Variants in GABRQ observed in about 807,000 individuals in gnomAD.
The protein encoded by GABRQ is gamma-aminobutyric acid receptor subunit theta.
A neutral mutation model predicts 30.5 loss-of-function variants in GABRQ; 19 were observed. That is an observed-to-expected ratio of 0.62 (90% CI 0.43 to 0.91). GABRQ has a LOEUF of 0.91. Ranked by LOEUF, GABRQ falls within the 40% of genes least tolerant of loss-of-function variation. The pLI is 0.00. For missense variants in GABRQ, 520 were observed against 521.4 expected (o/e 1.00, Z 0.03); for synonymous variants, 187 against 210.2 (o/e 0.89, Z 0.95).
Position 152,656,936 on chromosome X carries a change from G to A in GABRQ, c.*3655G>A, listed in dbSNP as rs1931160735. On this transcript the variant is annotated 3_prime_UTR_variant, in exon 9 of 9. Coordinates refer to ENST00000598523, the MANE Select transcript of GABRQ (RefSeq NM_018558.4). ...ATAAAATCTATATTATCAGTGTTGG[G>A]TTTTCAGGGGAGGGAGGGAGAGGAT... 1 of 111,797 alleles carries A rather than the reference G, an allele frequency of 8.9e-6. No individual in the cohort carries two copies. Among genetic ancestry groups the A allele is most frequent in the African/African-American group, 3.3e-5 (1 of 30,759 alleles). 9.2% of individuals were successfully genotyped at this position (111,797 alleles called of 1,213,427 possible). A position where few individuals can be genotyped will look rare whatever the true frequency, so the allele number is the denominator to read the frequency against.
At chrX:152,650,997 T>G (rs781797068) in intron 7 of GABRQ, among the ~76,000 whole-genome samples, 1 of 110,885 alleles carries the variant, frequency 9.0e-6, no homozygotes, top group Admixed American at 9.6e-5. Context: ...GTACTTTATG[T>G]CTAAGCATGG....
chrX:152,650,340 C>G, intron 6 of GABRQ, 88 bp from the exon 7 acceptor site: 2 of 801,053 alleles, frequency 2.5e-6, no homozygotes, highest in Non-Finnish European at 3.7e-6. Context: ...CTTCCCATTG[C>G]TCTCCCCTCC....
chrX:152,651,457 G>C, intron 7 of GABRQ, 69 bp from the exon 8 acceptor site: 1 of 961,705 alleles, frequency 1.0e-6, no homozygotes, highest in Non-Finnish European at 1.5e-6. Context: ...ATGTTTGGGT[G>C]GGGGCCTGAC....
chrX:152,643,450 G>T (rs970694081), intron 2 of GABRQ, among the ~76,000 whole-genome samples: 1 of 112,421 alleles, frequency 8.9e-6, no homozygotes, highest in Admixed American at 9.4e-5. Context: ...AATTGCAGGC[G>T]TCATGCATGT....
At chrX:152,640,197 G>C (rs1930721922) in intron 1 of GABRQ, among the ~76,000 whole-genome samples, 181 bp from the exon 2 acceptor site, 1 of 110,246 alleles carries the variant, frequency 9.1e-6, no homozygotes. Context: ...AGGAGTCTGC[G>C]TCACCGCTGC....
At chrX:152,647,207 TC>T (rs782192329) in intron 4 of GABRQ, 39 bp downstream of exon 4, 1 of 960,057 alleles carries the variant, frequency 1.0e-6, no homozygotes, top group Non-Finnish European at 1.5e-6. Context: ...CCAGCAGACT[TC>T]CTTCTTCCTA....
chrX:152,639,126 T>C (rs782546543), intron 1 of GABRQ, among the ~76,000 whole-genome samples: 1 of 111,637 alleles, frequency 9.0e-6, no homozygotes, highest in Non-Finnish European at 1.9e-5. Flanking sequence ...TAATGTGTGC[T>C]TGGAAACAGG....
Position 152,652,775 on chromosome X carries a change from G to C in GABRQ, c.1393G>C (p.Gly465Arg). Residue 465 changes from glycine (G) to arginine (R), a missense_variant, in exon 9 of 9, where the codon GGT becomes CGT. Gly to Arg is a moderately radical substitution (Grantham distance 125). Transcript: ENST00000598523. ...CTCAGAGCAGGCCCGGCACAGCTAT[G>C]GTGTTCGCTTTAATGGTTTCCAGGC... ...STSEQARHSY[G>R]VRFNGFQADD... 2 of 1,211,634 alleles carry C rather than the reference G, an allele frequency of 1.7e-6. No individual in the cohort carries two copies. The highest frequency in any genetic ancestry group is 2.2e-6 in the Non-Finnish European group (2 of 895,426).
chrX:152,647,195 TC>T, intron 4 of GABRQ, 27 bp downstream of exon 4: 1 of 1,047,066 alleles, frequency 9.6e-7, no homozygotes, highest in Non-Finnish European at 1.3e-6. Context: ...TCTGGGGATG[TC>T]CCAGCAGACT....
chrX:152,647,227 T>C, intron 4 of GABRQ, 59 bp downstream of exon 4: 1 of 866,892 alleles, frequency 1.2e-6, no homozygotes, highest in Middle Eastern at 3.5e-4. Flanking sequence ...TACTGAATAT[T>C]CTACAAACAC....
In GABRQ at chrX:152,638,181, A is replaced by G. The variant is rs782317620; in HGVS notation, c.-22A>G. On this transcript the variant is annotated 5_prime_UTR_variant, in exon 1 of 9. Transcript: ENST00000598523. ...TCGCGGCCCCGTCTCCCGCGCCCTCAGGCGCCCAGAACGCCCCGGCCATGG... is the reference window on the plus strand; with the variant it reads ...TCGCGGCCCCGTCTCCCGCGCCCTCGGGCGCCCAGAACGCCCCGGCCATGG... 2 of 1,201,084 alleles carry G rather than the reference A, an allele frequency of 1.7e-6. No individual in the cohort carries two copies. Among genetic ancestry groups the G allele is most frequent in the East Asian group, 3.0e-5 (1 of 33,599 alleles).
intron 1 of GABRQ, among the ~76,000 whole-genome samples, chrX:152,639,984 C>T (rs1389275615): frequency 2.7e-5 from 3 of 111,691 alleles, no homozygotes; most frequent in African/African-American, 9.8e-5. Flanking sequence ...AAAACAGCGT[C>T]GAGGCTGATT....
intron 8 of GABRQ, 133 bp downstream of exon 8, chrX:152,651,915 A>G: frequency 3.7e-6 from 2 of 534,639 alleles, no homozygotes; most frequent in Non-Finnish European, 6.2e-6. Context: ...CAAAACACAC[A>G]CACACAACAT....
At chrX:152,643,800 C>A (rs1930814386) in intron 2 of GABRQ, among the ~76,000 whole-genome samples, 1 of 111,970 alleles carries the variant, frequency 8.9e-6, no homozygotes, top group African/African-American at 3.3e-5. Flanking sequence ...CACATAGACA[C>A]ACCCACTGAG....
rs1556817738 is a variant in GABRQ at position 152,638,276 on chromosome X, A to T, written c.74A>T (p.Tyr25Phe). The T allele has an allele frequency of 8.3e-7, 1 of 1,208,917 alleles. No individual in the cohort carries two copies. The change falls in exon 1 of 9, where the codon TAC (tyrosine) becomes TTC (phenylalanine). Residue 25 changes from tyrosine to phenylalanine, a missense_variant. By Grantham distance (22) the Tyr-to-Phe change is conservative. Coordinates refer to ENST00000598523, the MANE Select transcript of GABRQ (RefSeq NM_018558.4). ...AGGACCTGGCTCGCGGAGGGCAACT[A>T]CCCCAGTCCCATCCCGAAATTCCAC... Reference protein sequence around the residue: ...LIRTWLAEGNYPSPIPKFHFE... With the variant: ...LIRTWLAEGNFPSPIPKFHFE...
intron 6 of GABRQ, 81 bp from the exon 7 acceptor site, chrX:152,650,347 C>T (rs1930989372): frequency 4.6e-6 from 4 of 870,918 alleles, no homozygotes; most frequent in Non-Finnish European, 5.0e-6. Context: ...TTGCTCTCCC[C>T]TCCTTCTCCA....
Position 152,652,600 on chromosome X carries a change from C to T in GABRQ, c.1218C>T (p.Ala406=), listed in dbSNP as rs1931050632. The T allele has an allele frequency of 8.3e-7, 1 of 1,209,948 alleles. No homozygotes were observed. The highest frequency in any genetic ancestry group is 1.1e-6 in the Non-Finnish European group (1 of 893,658). Reference sequence around the variant, plus strand: ...CTCTCCCCATCACCCCAGCGCAGGCCCCCCTGGCAAGCCCGGAAAGCCTCG... The same window carrying T: ...CTCTCCCCATCACCCCAGCGCAGGCTCCCCTGGCAAGCCCGGAAAGCCTCG... ...VSSLPITPAQ[A]PLASPESLGS... The change falls in exon 9 of 9, where the codon GCC becomes GCT. Residue 406 remains alanine, a synonymous_variant. Coordinates refer to ENST00000598523, the MANE Select transcript of GABRQ (RefSeq NM_018558.4).
At chrX:152,658,336 C>T (rs782520755), downstream of GABRQ, among the ~76,000 whole-genome samples, 1 of 112,033 alleles carries the variant, frequency 8.9e-6, no homozygotes, top group African/African-American at 3.2e-5. Context: ...CAAGACCACC[C>T]CCAGGTGTGC....
At chrX:152,639,375 TGC>T (rs200939000) in intron 1 of GABRQ, among the ~76,000 whole-genome samples, 2 of 98,069 alleles carry the variant, frequency 2.0e-5, no homozygotes, top group East Asian at 3.5e-4. Context: ...CACATGCGCG[TGC>T]GCACACACAC....
Sources: allele counts gnomAD v4.1 joint callset (sites outside exome capture counted in the v4.1 genomes callset), GRCh38; gene constraint gnomAD v4.1.1; transcripts MANE v1.5; gene names NCBI Gene and HGNC (gene_info 2026-07-23, HGNC 2026-07-21).